Variants in HIVEP1 observed in about 807,000 individuals in gnomAD.
The protein encoded by HIVEP1 is HIVEP zinc finger 1.
In HIVEP1, 36 loss-of-function variants were observed where a neutral mutation model predicts 180.0. The ratio of observed to expected loss-of-function variants is 0.20; its 90% CI spans 0.15 to 0.26. The LOEUF (loss-of-function observed/expected upper bound fraction) is 0.26, where lower values mean the gene tolerates loss of function less well. Among genes scored for constraint, HIVEP1 ranks in the 10% least tolerant of loss-of-function variants. HIVEP1 has a pLI of 1.00. For missense variants in HIVEP1, 3,143 were observed against 3,268.7 expected (o/e 0.96, Z 0.94); for synonymous variants, 1,239 against 1,239.0 (o/e 1.00, Z 0.00).
chr6:12,061,957 C>T (rs1346799339), intron 2 of HIVEP1, among the ~76,000 whole-genome samples: 1 of 152,030 alleles, frequency 6.6e-6, no homozygotes, highest in African/African-American at 2.4e-5. Context: ...GAATGAGAGC[C>T]AAGTATTAAT....
chr6:12,070,526 C>G (rs1771901054), intron 2 of HIVEP1, among the ~76,000 whole-genome samples: 3 of 152,112 alleles, frequency 2.0e-5, no homozygotes, highest in Admixed American at 2.0e-4. Context: ...CCTGCCTCTA[C>G]TAAAAAGAAT....
the HIVEP1 span, among the ~76,000 whole-genome samples, chr6:12,199,478 C>T: frequency 6.6e-6 from 1 of 150,666 alleles, no homozygotes; most frequent in South Asian, 2.1e-4. Context: ...TCTCCTGCCT[C>T]AGCCTCCGGA....
chr6:12,106,389 T>C (rs913238340), intron 3 of HIVEP1, among the ~76,000 whole-genome samples: 5 of 152,138 alleles, frequency 3.3e-5, no homozygotes, highest in Non-Finnish European at 5.9e-5. Context: ...TTCTTTATTA[T>C]GTAAGCCACT....
upstream of HIVEP1, among the ~76,000 whole-genome samples, chr6:12,009,117 C>CGGT (rs1215576937): frequency 3.4e-5 from 5 of 146,120 alleles, no homozygotes; most frequent in African/African-American, 9.9e-5. Flanking sequence ...CTCCGCGTGG[C>CGGT]GGTGGCGGCG....
At chr6:12,014,270 C>T (rs1393908827) in intron 1 of HIVEP1, among the ~76,000 whole-genome samples, 1 of 152,134 alleles carries the variant, frequency 6.6e-6, no homozygotes, top group Non-Finnish European at 1.5e-5. Context: ...TGAAAGAAAT[C>T]CTGAAAGTAG....
intron 2 of HIVEP1, among the ~76,000 whole-genome samples, chr6:12,031,787 T>C (rs141207249): frequency 2.9e-4 from 44 of 152,336 alleles, no homozygotes; most frequent in Non-Finnish European, 5.0e-4. Context: ...TTGACAGTTT[T>C]GTGTGGCTTT....
chr6:12,100,019 G>A (rs1017929790), intron 3 of HIVEP1, among the ~76,000 whole-genome samples: 4 of 152,188 alleles, frequency 2.6e-5, no homozygotes, highest in Non-Finnish European at 5.9e-5. Context: ...GGAAGACTCA[G>A]ACTACTCTCA....
chr6:12,072,052 CAT>C (rs1772006635), intron 2 of HIVEP1, among the ~76,000 whole-genome samples: 1 of 151,414 alleles, frequency 6.6e-6, no homozygotes, highest in African/African-American at 2.4e-5. Flanking sequence ...TTGTGGACCT[CAT>C]AGTCTGCAGT....
intron 7 of HIVEP1, among the ~76,000 whole-genome samples, chr6:12,158,371 C>G (rs909128400): frequency 6.6e-6 from 1 of 152,094 alleles, no homozygotes. Context: ...TGTAGAGATA[C>G]CTTGTGTTTT....
chr6:12,086,907 G>T (rs1353856884), intron 2 of HIVEP1, among the ~76,000 whole-genome samples: 1 of 151,996 alleles, frequency 6.6e-6, no homozygotes, highest in African/African-American at 2.4e-5. Context: ...TACTTTCTTT[G>T]TAATTTTGGA....
intron 3 of HIVEP1, among the ~76,000 whole-genome samples, chr6:12,107,866 A>G (rs553554863): frequency 6.6e-6 from 1 of 150,506 alleles, no homozygotes; most frequent in East Asian, 1.9e-4. Flanking sequence ...GTGTGTTTTG[A>G]CAGGGCGCTG....
chr6:12,045,619 G>C (rs748171434), intron 2 of HIVEP1, among the ~76,000 whole-genome samples: 1 of 152,180 alleles, frequency 6.6e-6, no homozygotes, highest in Non-Finnish European at 1.5e-5. Flanking sequence ...TGGTAATGAA[G>C]TGTACCCTGC....
chr6:12,030,749 TC>T (rs1379274847), intron 2 of HIVEP1, among the ~76,000 whole-genome samples: 1 of 152,226 alleles, frequency 6.6e-6, no homozygotes, highest in African/African-American at 2.4e-5. Context: ...TGAAATCTCA[TC>T]CTATTAAATC....
At chr6:12,060,514 A>G (rs1226310604) in intron 2 of HIVEP1, among the ~76,000 whole-genome samples, 4 of 152,236 alleles carry the variant, frequency 2.6e-5, no homozygotes, top group Non-Finnish European at 5.9e-5. Flanking sequence ...AAAAGAAACA[A>G]TGCATATTAA....
intron 2 of HIVEP1, among the ~76,000 whole-genome samples, chr6:12,017,959 C>T (rs867023457): frequency 6.6e-6 from 1 of 152,184 alleles, no homozygotes; most frequent in Non-Finnish European, 1.5e-5. Context: ...GGACTGGGCG[C>T]CTAGGAACAG....
chr6:12,159,242 G>T (rs1166446626), intron 7 of HIVEP1, among the ~76,000 whole-genome samples: 1 of 152,084 alleles, frequency 6.6e-6, no homozygotes, highest in African/African-American at 2.4e-5. Context: ...TTGTGTGTGT[G>T]TTTAACGTAA....
chr6:12,137,257 G>A (rs1279642715), intron 7 of HIVEP1, among the ~76,000 whole-genome samples: 1 of 152,178 alleles, frequency 6.6e-6, no homozygotes, highest in African/African-American at 2.4e-5. Flanking sequence ...ATATACTCAT[G>A]TATATCTTCT....
chr6:12,145,515 TAAAA>T (rs202193525), intron 7 of HIVEP1, among the ~76,000 whole-genome samples: 7 of 103,734 alleles, frequency 6.7e-5, no homozygotes, highest in Admixed American at 9.5e-5. Flanking sequence ...ACTTAAAGTA[TAAAA>T]AAAAAAAAAA....
At chr6:12,165,741 C>G (rs1760684112), downstream of HIVEP1, among the ~76,000 whole-genome samples, 1 of 152,186 alleles carries the variant, frequency 6.6e-6, no homozygotes, top group Non-Finnish European at 1.5e-5. Flanking sequence ...TAAAGGCTTG[C>G]TTAACAAAGA....
Sources: gnomAD v4.1 joint callset for allele counts (sites outside exome capture counted in the v4.1 genomes callset) on GRCh38, gnomAD v4.1.1 for gene constraint, MANE v1.5 for transcripts, NCBI Gene and HGNC (gene_info 2026-07-23, HGNC 2026-07-21) for gene names.